The following CELF4 variants were observed in gnomAD, a reference collection of about 807,000 sequenced individuals.
CELF4 encodes CUG-BP- and ETR-3-like factor 4.
A neutral mutation model predicts 59.9 loss-of-function variants in CELF4; 18 were observed. The observed-to-expected ratio is 0.30, with a 90% CI of 0.21 to 0.45. The LOEUF is 0.45. CELF4 is among the 20% of genes least tolerant of loss of function. CELF4 has a pLI of 1.00. For synonymous variants in CELF4, 261 were observed against 267.1 expected (o/e 0.98, Z 0.22); for missense variants, 456 against 689.0 (o/e 0.66, Z 3.79).
chr18:37,441,155 A>G (rs751676736), intron 2 of CELF4, among the ~76,000 whole-genome samples: 2 of 152,092 alleles, frequency 1.3e-5, no homozygotes, highest in Non-Finnish European at 2.9e-5. Context: ...GTTTTTAAAG[A>G]TCTCCCAGCC....
At chr18:37,416,697 G>T (rs547462806) in intron 2 of CELF4, among the ~76,000 whole-genome samples, 15 of 152,318 alleles carry the variant, frequency 9.8e-5, no homozygotes, top group South Asian at 2.1e-4. Context: ...CCAGGGCTGG[G>T]TCTTCAGGAA....
intron 10 of CELF4, among the ~76,000 whole-genome samples, chr18:37,259,771 C>T (rs950136069): frequency 6.6e-5 from 10 of 152,190 alleles, no homozygotes; most frequent in African/African-American, 2.4e-4. Flanking sequence ...GCCCATCCTC[C>T]CCCTGGCCTG....
rs572242649 is a variant in CELF4, at chr18:37,560,987, A to G, written c.286+4369T>C. Among the ~76,000 whole-genome samples the G allele has an allele frequency of 2.0e-5, 3 of 152,362 alleles. No homozygotes were observed. The South Asian group carries it at 6.2e-4, about 32-fold the overall frequency. On this transcript the variant is annotated intron_variant, in intron 1 of 12. Transcript: ENST00000420428. ...CTTTCACACAGCTAAACCCCAAATC[A>G]AGGGGCTTTAGGCATTTCCTATTCA...
intron 2 of CELF4, among the ~76,000 whole-genome samples, chr18:37,354,555 A>C (rs893540407): frequency 6.6e-6 from 1 of 152,198 alleles, no homozygotes; most frequent in Non-Finnish European, 1.5e-5. Context: ...AGGTAGGTAA[A>C]AATGTATTCT....
chr18:37,413,887 A>C (rs2099498471), intron 2 of CELF4, among the ~76,000 whole-genome samples: 1 of 152,088 alleles, frequency 6.6e-6, no homozygotes, highest in Non-Finnish European at 1.5e-5. Flanking sequence ...AGTTGAGCAA[A>C]ATGTCTATAC....
chr18:37,400,838 A>T (rs1290737751), intron 2 of CELF4, among the ~76,000 whole-genome samples: 1 of 152,248 alleles, frequency 6.6e-6, no homozygotes, highest in African/African-American at 2.4e-5. Context: ...ATTAGGCCAA[A>T]TCCGAGTTTT....
intron 1 of CELF4, among the ~76,000 whole-genome samples, chr18:37,541,450 T>A (rs2099977744): frequency 6.6e-6 from 1 of 152,162 alleles, no homozygotes; most frequent in African/African-American, 2.4e-5. Context: ...TCACTGCCCT[T>A]CTTAATCCAT....
At chr18:37,449,403 A>C (rs570372090) in intron 2 of CELF4, among the ~76,000 whole-genome samples, 2 of 151,982 alleles carry the variant, frequency 1.3e-5, no homozygotes, top group Non-Finnish European at 2.9e-5. Flanking sequence ...CTTGATCTCA[A>C]CTCTGCTTCC....
At chr18:37,403,452 G>A (rs776008516) in intron 2 of CELF4, among the ~76,000 whole-genome samples, 1 of 152,210 alleles carries the variant, frequency 6.6e-6, no homozygotes, top group Admixed American at 6.5e-5. Context: ...TCCTCCTCCA[G>A]TCACACAAGG....
chr18:37,545,915 A>C (rs2099981268), intron 1 of CELF4, among the ~76,000 whole-genome samples: 1 of 152,176 alleles, frequency 6.6e-6, no homozygotes, highest in African/African-American at 2.4e-5. Context: ...CATGCATCCA[A>C]GAAAGTGGCG....
At chr18:37,486,272 C>CTCTG (rs977220087) in intron 1 of CELF4, among the ~76,000 whole-genome samples, 1 of 152,184 alleles carries the variant, frequency 6.6e-6, no homozygotes, top group African/African-American at 2.4e-5. Context: ...ACCACCCTTG[C>CTCTG]TCTGCCTTTA....
rs186133323 is a variant in CELF4 at position 37,331,738 on chromosome 18, G to A, written c.370-9857C>T. On this transcript the variant is annotated intron_variant, in intron 2 of 12. Coordinates refer to ENST00000420428, the MANE Select transcript of CELF4 (RefSeq NM_020180.4). ...TCAGGTGAGCAAATTCATGGGGTGG[G>A]CAGGGTGTGGATGGGGTGGGGGTGG... is the stretch of plus-strand genomic sequence containing the variant. Among the ~76,000 whole-genome samples, 6 of 151,638 alleles carry A rather than the reference G, an allele frequency of 4.0e-5. No individual in the cohort carries two copies. The East Asian group carries it at 1.2e-3, about 30-fold the overall frequency.
intron 2 of CELF4, 89 bp downstream of exon 2, chr18:37,485,436 T>A: frequency 1.9e-5 from 14 of 724,562 alleles, no homozygotes; most frequent in Non-Finnish European, 2.1e-5. Context: ...CCTGCCGTCC[T>A]CTCCCCGCGC....
At chr18:37,493,296 A>T (rs1237822741) in intron 1 of CELF4, among the ~76,000 whole-genome samples, 2 of 152,018 alleles carry the variant, frequency 1.3e-5, no homozygotes, top group African/African-American at 4.8e-5. Context: ...TTCCCTGACT[A>T]CTTCAACCCC....
chr18:37,351,611 C>CTT (rs35650061), intron 2 of CELF4, among the ~76,000 whole-genome samples: 1 of 121,930 alleles, frequency 8.2e-6, no homozygotes, highest in Non-Finnish European at 1.7e-5. Flanking sequence ...TCTTCTTCTT[C>CTT]TTTTTTTTTT....
chr18:37,441,132 A>G (rs1323467694), intron 2 of CELF4, among the ~76,000 whole-genome samples: 2 of 152,096 alleles, frequency 1.3e-5, no homozygotes, highest in Non-Finnish European at 2.9e-5. Context: ...CACTGAAGGA[A>G]GGCTTGGGAT....
chr18:37,245,703 G>A lies in CELF4; in HGVS notation c.*45-506C>T, dbSNP rs2061800579. On this transcript the variant is annotated intron_variant, in intron 12 of 12. Coordinates refer to ENST00000420428, the MANE Select transcript of CELF4 (RefSeq NM_020180.4). This position sits in a 1 kb window ranked among gnomAD's most constrained non-coding sequence, Gnocchi z 4.1. ...TTGTAGAATCCTTGCCCAGCTTCCA[G>A]CCAACCACTTCTTTCCCGGGGTCAG... 6.6e-6 allele frequency among the ~76,000 whole-genome samples: 1 copy of A among 152,106 alleles called. No individual in the cohort carries two copies. Among genetic ancestry groups the A allele is most frequent in the Admixed American group, 6.5e-5 (1 of 15,270 alleles).
intron 3 of CELF4, among the ~76,000 whole-genome samples, chr18:37,290,154 G>A (rs2095234832): frequency 6.6e-6 from 1 of 152,108 alleles, no homozygotes; most frequent in Non-Finnish European, 1.5e-5. Context: ...AAAGAAGGTG[G>A]CTGGGCTGGA....
At chr18:37,303,644 G>C (rs1476679646) in intron 3 of CELF4, among the ~76,000 whole-genome samples, 1 of 152,136 alleles carries the variant, frequency 6.6e-6, no homozygotes, top group African/African-American at 2.4e-5. Context: ...CCACGTCTTG[G>C]TCACTGCTGG....
Sources: gnomAD v4.1 joint callset for allele counts (sites outside exome capture counted in the v4.1 genomes callset) on GRCh38, gnomAD v4.1.1 for gene constraint, Gnocchi (gnomAD v3.1) non-coding constraint, MANE v1.5 for transcripts, NCBI Gene and HGNC (gene_info 2026-07-23, HGNC 2026-07-21) for gene names.